Variants in REPS1 observed in about 807,000 individuals in gnomAD.
REPS1 encodes the protein RALBP1 associated Eps domain containing 1, also known as ralBP1-associated Eps domain-containing protein 1.
A neutral mutation model predicts 100.9 loss-of-function variants in REPS1; 39 were observed. The observed-to-expected ratio is 0.39, with a 90% CI of 0.30 to 0.50. REPS1 has a LOEUF of 0.50. REPS1 is among the 20% of genes least tolerant of loss of function. The pLI is 0.86. For missense variants in REPS1, 821 were observed against 968.5 expected, an observed-to-expected ratio of 0.85 and a Z score of 2.02; for synonymous variants, 324 against 340.3, an observed-to-expected ratio of 0.95 and a Z score of 0.53.
chr6:138,943,680 A>G, intron 6 of REPS1, 104 bp from the exon 7 acceptor site: 1 of 996,030 alleles, frequency 1.0e-6, no homozygotes, highest in Admixed American at 2.8e-5. Context: ...GATATTTTTA[A>G]TATGTGAATA....
At chr6:138,916,738 G>A (rs1402668160) in intron 13 of REPS1, among the ~76,000 whole-genome samples, 1 of 152,146 alleles carries the variant, frequency 6.6e-6, no homozygotes, top group African/African-American at 2.4e-5. Context: ...CATTTTAGAG[G>A]TGACTATGCT....
intron 1 of REPS1, among the ~76,000 whole-genome samples, chr6:138,983,510 G>GAT (rs1785073966): frequency 1.3e-5 from 2 of 152,070 alleles, no homozygotes; most frequent in Non-Finnish European, 2.9e-5. Context: ...TCACAAGGTT[G>GAT]TTGCAAGAAT....
intron 7 of REPS1, 89 bp downstream of exon 7, chr6:138,943,424 G>A: frequency 1.3e-6 from 1 of 741,886 alleles, no homozygotes; most frequent in Non-Finnish European, 2.3e-6. Flanking sequence ...GAAGGGGTTA[G>A]TTGTTTATTT....
In REPS1 at chr6:138,950,485, C is replaced by G. The variant is rs371372919; in HGVS notation, c.154-2572G>C. 2.0e-5 allele frequency among the ~76,000 whole-genome samples: 3 copies of G among 150,846 alleles called. 1 individual carries two copies. The stretch of plus-strand genomic sequence containing the variant: ...AACAGAGCAAGACTCTGTCTCCCCC[C>G]GCAAAAAAAAAGAATAAGTTAACCA... On this transcript the variant is annotated intron_variant, in intron 1 of 19. Transcript: ENST00000450536.
chr6:138,961,238 A>G (rs1235040251), intron 1 of REPS1, among the ~76,000 whole-genome samples: 1 of 152,118 alleles, frequency 6.6e-6, no homozygotes, highest in African/African-American at 2.4e-5. Context: ...TAAAATTAGT[A>G]TTTTTTATTG....
chr6:138,921,504 C>T (rs1780753516), intron 10 of REPS1, among the ~76,000 whole-genome samples: 2 of 149,342 alleles, frequency 1.3e-5, no homozygotes, highest in South Asian at 2.1e-4. Context: ...AATATAAAAA[C>T]GATCTGGGCA....
chr6:138,917,791 C>A, intron 12 of REPS1, 164 bp from the exon 13 acceptor site: 1 of 570,702 alleles, frequency 1.8e-6, no homozygotes, highest in Non-Finnish European at 3.1e-6. Context: ...AAAAAATTAA[C>A]TACAAATAAA....
intron 1 of REPS1, among the ~76,000 whole-genome samples, chr6:138,964,835 TC>T: frequency 6.6e-6 from 1 of 152,184 alleles, no homozygotes; most frequent in Admixed American, 6.5e-5. Context: ...TAGACATTCA[TC>T]AAGAGAACTC....
chr6:138,965,011 C>T (rs752596999), intron 1 of REPS1, among the ~76,000 whole-genome samples: 2 of 152,096 alleles, frequency 1.3e-5, no homozygotes, highest in Non-Finnish European at 2.9e-5. Flanking sequence ...TTCTTGACTT[C>T]AATTTCTGCA....
At chr6:138,927,678 G>A (rs999570292) in intron 9 of REPS1, 1 of 151,972 alleles carries the variant, frequency 6.6e-6, no homozygotes. Flanking sequence ...CTACAAAAAC[G>A]GCTAATACAA....
At chr6:138,932,462 C>T (rs960296585) in intron 8 of REPS1, among the ~76,000 whole-genome samples, 1 of 149,692 alleles carries the variant, frequency 6.7e-6, no homozygotes, top group Non-Finnish European at 1.5e-5. Flanking sequence ...ATTCCTTACC[C>T]CCCCCCACAT....
At chr6:138,975,724 C>T (rs565711337) in intron 1 of REPS1, among the ~76,000 whole-genome samples, 11 of 152,258 alleles carry the variant, frequency 7.2e-5, no homozygotes, top group African/African-American at 2.4e-4. Context: ...ATCCCAGCTA[C>T]TCGAGAGGCT....
At position 138,958,694 on chromosome 6, in the gene REPS1, T is replaced by C. The variant is rs575764997; in HGVS notation, c.154-10781A>G. Among the ~76,000 whole-genome samples, 169 of 152,356 alleles carry C rather than the reference T, an allele frequency of 1.1e-3. 1 individual carries two copies. The highest frequency in any genetic ancestry group is 1.8e-3 in the Non-Finnish European group (120 of 68,034). ...CCTTAAAAAAAGTAGAATGTTTTTC[T>C]TTCACATAATGGAATAACACTATTA... On this transcript the variant is annotated intron_variant, in intron 1 of 19. Transcript: ENST00000450536.
intron 1 of REPS1, among the ~76,000 whole-genome samples, chr6:138,955,456 A>AG (rs1562552291): frequency 1.1e-4 from 5 of 46,854 alleles, no homozygotes; most frequent in East Asian, 3.8e-3. Flanking sequence ...AAAAAAAAAA[A>AG]AGTGTGTGTG....
At chr6:138,921,391 C>G (rs1188876) in intron 10 of REPS1, among the ~76,000 whole-genome samples, 93,357 of 151,298 alleles carry the variant, frequency 0.62, 29,095 homozygotes, top group Admixed American at 0.65. Context: ...TGGGCACTGA[C>G]GCTCACACCT....
intron 1 of REPS1, among the ~76,000 whole-genome samples, chr6:138,980,929 T>A (rs544195328): frequency 1.3e-5 from 2 of 152,244 alleles, no homozygotes; most frequent in South Asian, 4.2e-4. Flanking sequence ...ATACCCCCAA[T>A]ACAAAGAACA....
rs572313832 is a variant in REPS1 at position 138,972,226 on chromosome 6, AG to A, written c.153+15303del. 8.8e-3 allele frequency among the ~76,000 whole-genome samples: 1,342 copies of A among 152,300 alleles called. 8 individuals carry two copies. Among genetic ancestry groups the A allele is most frequent in the Non-Finnish European group, 0.014 (928 of 68,018 alleles). ...AAGTCAATTAAGCCATGTTTTGAAAAGGGGGGCGGAATAAGCACGAAAGTGA... is the reference window on the plus strand; with the variant it reads ...AAGTCAATTAAGCCATGTTTTGAAAAGGGGGCGGAATAAGCACGAAAGTGA... On this transcript the variant is annotated intron_variant, in intron 1 of 19. Coordinates refer to ENST00000450536, the MANE Select transcript of REPS1 (RefSeq NM_001286611.2).
chr6:138,964,985 C>T (rs1276757928), intron 1 of REPS1, among the ~76,000 whole-genome samples: 2 of 152,052 alleles, frequency 1.3e-5, no homozygotes, highest in African/African-American at 4.8e-5. Flanking sequence ...ACTGAAGCAG[C>T]TTAAGAAGTT....
At chr6:138,968,380 G>T (rs934510063) in intron 1 of REPS1, among the ~76,000 whole-genome samples, 1 of 152,132 alleles carries the variant, frequency 6.6e-6, no homozygotes, top group Non-Finnish European at 1.5e-5. Context: ...TAAAAATTAC[G>T]CATTGTTATT....
Sources: gnomAD v4.1 joint callset for allele counts (sites outside exome capture counted in the v4.1 genomes callset) on GRCh38, gnomAD v4.1.1 for gene constraint, MANE v1.5 for transcripts, NCBI Gene and HGNC (gene_info 2026-07-23, HGNC 2026-07-21) for gene names.